The following SDAD1 variants were observed in gnomAD, a reference collection of about 807,000 sequenced individuals.
The protein encoded by SDAD1 is SDA1 domain containing 1, also known as protein SDA1 homolog.
In SDAD1, 79 loss-of-function variants were observed where a neutral mutation model predicts 100.3. The ratio of observed to expected loss-of-function variants is 0.79; its 90% CI spans 0.66 to 0.95. SDAD1 has a LOEUF of 0.95. Among genes scored for constraint, SDAD1 ranks in the 40% least tolerant of loss-of-function variants. SDAD1 has a pLI of 0.00. For synonymous variants in SDAD1, 267 were observed against 271.4 expected (o/e 0.98, Z 0.16); for missense variants, 790 against 810.9 (o/e 0.97, Z 0.31).
At chr4:75,970,168 A>G in intron 10 of SDAD1, 141 bp downstream of exon 10, 1 of 645,022 alleles carries the variant, frequency 1.6e-6, no homozygotes. Context: ...TTTGTAGGTT[A>G]CAACCAACTA....
chr4:75,962,390 T>A (rs760117953), intron 14 of SDAD1, among the ~76,000 whole-genome samples: 1 of 152,252 alleles, frequency 6.6e-6, no homozygotes, highest in Admixed American at 6.5e-5. Context: ...TCAGCATGAT[T>A]TATAATCCTT....
chr4:75,960,942 A>AT (rs1361987814), intron 16 of SDAD1, 86 bp downstream of exon 16: 5 of 1,056,640 alleles, frequency 4.7e-6, no homozygotes, highest in African/African-American at 3.1e-5. Flanking sequence ...CAGAAGCATC[A>AT]TAAGTACTAA....
chr4:75,964,220 G>A lies in SDAD1; in HGVS notation c.1105-9C>T, dbSNP rs1191264792. The A allele has an allele frequency of 1.9e-6, 3 of 1,586,480 alleles. No homozygotes were observed. Among genetic ancestry groups the A allele is most frequent in the Non-Finnish European group, 2.6e-6 (3 of 1,161,478 alleles). On this transcript the variant is annotated splice_polypyrimidine_tract_variant and intron_variant, in intron 13 of 21. Coordinates refer to ENST00000356260, the MANE Select transcript of SDAD1 (RefSeq NM_018115.4). The stretch of plus-strand genomic sequence containing the variant: ...AGCAATGATTGAATAATCTGAATTG[G>A]AAACAAAAAAGAGATGGGTGCTGAT...
At chr4:75,969,814 A>T (rs899877047) in intron 10 of SDAD1, among the ~76,000 whole-genome samples, 7 of 152,128 alleles carry the variant, frequency 4.6e-5, no homozygotes, top group African/African-American at 1.7e-4. Context: ...GAGTACTGAG[A>T]GCCCCAACGC....
chr4:75,986,276 C>A (rs548967965), intron 1 of SDAD1, among the ~76,000 whole-genome samples: 133 of 152,178 alleles, frequency 8.7e-4, no homozygotes, highest in African/African-American at 3.0e-3. Flanking sequence ...AAATTCATAA[C>A]TACAAACCTC....
chr4:75,969,354 C>T lies in SDAD1; in HGVS notation c.929G>A (p.Arg310Lys), dbSNP rs368089429. Residue 310 changes from arginine (R) to lysine (K), a missense_variant, in exon 11 of 22, where the codon AGG becomes AAG. Physicochemically the swap from Arg to Lys is conservative, Grantham distance 26. Transcript: ENST00000356260. ...CATGAGCATCATCTTCACTTCAAACCTCTCCTTACAGCACTCAAGCTGCTT... is the reference window on the plus strand; with the variant it reads ...CATGAGCATCATCTTCACTTCAAACTTCTCCTTACAGCACTCAAGCTGCTT... ...LLKQLECCKERFEVKMMLMNL... is the reference protein window; with the variant it reads ...LLKQLECCKEKFEVKMMLMNL... 3 of 1,613,762 alleles carry T rather than the reference C, an allele frequency of 1.9e-6. No homozygotes were observed. The African/African-American group carries it at 4.0e-5, about 22-fold the overall frequency.
intron 13 of SDAD1, among the ~76,000 whole-genome samples, chr4:75,964,614 C>T (rs963757996): frequency 4.6e-5 from 7 of 151,916 alleles, no homozygotes; most frequent in South Asian, 2.1e-4. Flanking sequence ...AAGAAGAAAA[C>T]GGTGAGGGAA....
At position 75,969,506 on chromosome 4, in the gene SDAD1, A is replaced by G. The variant is rs114547755; in HGVS notation, c.884-107T>C. The G allele has an allele frequency of 6.3e-4, 426 of 680,568 alleles. 3 individuals carry two copies. The African/African-American group carries it at 6.6e-3, about 11-fold the overall frequency. The allele number at this position is 680,568 out of a possible 1,614,324, so 42.2% of individuals were successfully genotyped here. A position where few individuals can be genotyped will look rare whatever the true frequency, so the allele number is the denominator to read the frequency against. ...TAGTTAGATCAGTGAATAGACTGAC[A>G]AACAGGTGAATATGTCAATATATGT... On this transcript the variant is annotated intron_variant, in intron 10 of 21. Coordinates refer to ENST00000356260, the MANE Select transcript of SDAD1 (RefSeq NM_018115.4).
intron 1 of SDAD1, among the ~76,000 whole-genome samples, chr4:75,984,762 TACACACACACACACAAACAC>T (rs1730771526): frequency 1.4e-5 from 1 of 72,850 alleles, no homozygotes; most frequent in Non-Finnish European, 2.7e-5. Context: ...TTATGTGACA[TACACACACACACACAAACAC>T]ACACACACAC....
intron 13 of SDAD1, among the ~76,000 whole-genome samples, chr4:75,965,349 A>G (rs1482554336): frequency 1.3e-5 from 2 of 152,174 alleles, no homozygotes; most frequent in Non-Finnish European, 2.9e-5. Context: ...GTTATCAATG[A>G]CAATGCGTGC....
At position 75,950,388 on chromosome 4, in the gene SDAD1, C is replaced by A; in HGVS notation, c.*362G>T. The A allele has an allele frequency of 5.3e-6, 1 of 190,180 alleles. No individual in the cohort carries two copies. Among genetic ancestry groups the A allele is most frequent in the South Asian group, 1.4e-4 (1 of 7,120 alleles). The allele number at this position is 190,180 out of a possible 1,614,324, so 11.8% of individuals were successfully genotyped here. On this transcript the variant is annotated 3_prime_UTR_variant, in exon 22 of 22. Transcript: ENST00000356260. ...AACCTCTACTACAGAACTATTTACA[C>A]TGCACTGTAAATACACATATGTGTG...
chr4:75,980,699 C>G (rs1730451256), intron 3 of SDAD1: 1 of 152,520 alleles, frequency 6.6e-6, no homozygotes, highest in African/African-American at 2.4e-5. Context: ...GGAGTCAGAG[C>G]CACCCTGAGG....
intron 6 of SDAD1, 141 bp downstream of exon 6, chr4:75,975,603 C>T (rs1219649612): frequency 7.0e-6 from 4 of 571,456 alleles, no homozygotes; most frequent in African/African-American, 3.7e-5. Flanking sequence ...TGAATTGCCT[C>T]TATTTTTACT....
At chr4:75,969,547 T>C (rs535626883) in intron 10 of SDAD1, 148 bp from the exon 11 acceptor site, 5 of 547,804 alleles carry the variant, frequency 9.1e-6, no homozygotes, top group African/African-American at 1.9e-5. Flanking sequence ...TGCCCAAAGT[T>C]AAGTCTTAAT....
At chr4:75,982,130 G>A in intron 1 of SDAD1, 93 bp from the exon 2 acceptor site, 2 of 694,030 alleles carry the variant, frequency 2.9e-6, no homozygotes, top group Non-Finnish European at 2.4e-6. Context: ...AGAAACTGTT[G>A]ACGATCACAT....
chr4:75,961,865 T>A (rs143117260), intron 14 of SDAD1, among the ~76,000 whole-genome samples: 34 of 146,390 alleles, frequency 2.3e-4, no homozygotes, highest in African/African-American at 7.7e-4. Flanking sequence ...TAATTGCCAC[T>A]GTAATGGTTT....
intron 17 of SDAD1, among the ~76,000 whole-genome samples, chr4:75,958,798 T>TAA (rs780035774): frequency 5.4e-5 from 7 of 130,518 alleles, no homozygotes; most frequent in Admixed American, 7.8e-5. Flanking sequence ...CAAAGCCCTT[T>TAA]AAAAAAAAAA....
At chr4:75,957,489 G>C in intron 19 of SDAD1, 29 bp downstream of exon 19, 1 of 1,611,728 alleles carries the variant, frequency 6.2e-7, no homozygotes, top group Non-Finnish European at 8.5e-7. Context: ...TGAGCTGACT[G>C]AAGTACTAAA....
rs145814675 is a variant in SDAD1, at chr4:75,950,787, C to G, written c.2027G>C (p.Arg676Pro). 6.3e-7 allele frequency: 1 copy of G among 1,585,426 alleles called. No individual in the cohort carries two copies. Among genetic ancestry groups the G allele is most frequent in the Non-Finnish European group, 8.6e-7 (1 of 1,158,178 alleles). Residue 676 changes from arginine to proline, a missense_variant, in exon 22 of 22, where the codon CGA becomes CCA. By Grantham distance (103) the Arg-to-Pro change is moderately radical. Coordinates refer to ENST00000356260, the MANE Select transcript of SDAD1 (RefSeq NM_018115.4). The part of the protein sequence containing the change: ...RSFREKQLAL[R>P]DALLKKRKRM... ...TTTTCTCTTTTTCAAAAGTGCATCTCGTAGTGCCAACTGTAAGATAAAAAA... is the reference window on the plus strand; with the variant it reads ...TTTTCTCTTTTTCAAAAGTGCATCTGGTAGTGCCAACTGTAAGATAAAAAA...
Sources: gnomAD v4.1 joint callset for allele counts (sites outside exome capture counted in the v4.1 genomes callset) on GRCh38, gnomAD v4.1.1 for gene constraint, MANE v1.5 for transcripts, NCBI Gene and HGNC (gene_info 2026-07-23, HGNC 2026-07-21) for gene names.